The following TTN variants were observed in gnomAD, a reference collection of about 807,000 sequenced individuals.
TTN encodes titin, also known as connectin.
A neutral mutation model predicts 3,223.0 loss-of-function variants in TTN; 1,525 were observed. The observed-to-expected ratio is 0.47, with a 90% CI of 0.45 to 0.49. The LOEUF (loss-of-function observed/expected upper bound fraction) is 0.49, where lower values mean the gene tolerates loss of function less well. TTN is among the 20% of genes least tolerant of loss of function. TTN has a pLI of 0.00. For synonymous variants in TTN, 14,094 were observed against 15,161.0 expected (o/e 0.93, Z 5.17); for missense variants, 40,786 against 43,424.0 (o/e 0.94, Z 5.40).
Position 178,715,060 on chromosome 2 carries a change from T to A in TTN, c.26126A>T (p.Asp8709Val), listed in dbSNP as rs1444153454. 1 of 1,613,504 alleles carries A rather than the reference T, an allele frequency of 6.2e-7. No homozygotes were observed. The highest frequency in any genetic ancestry group is 8.5e-7 in the Non-Finnish European group (1 of 1,179,668). The change falls in exon 90 of 363, where the codon GAC (aspartate) becomes GTC (valine). Residue 8709 changes from aspartate (D) to valine (V), a missense_variant. Physicochemically the swap from Asp to Val is radical, Grantham distance 152. Transcript: ENST00000589042. The stretch of plus-strand genomic sequence containing the variant: ...GGCTTTACACTGATATTCCCCAATG[T>A]CTGCAGCATCGACATTCAGGATGTG... ...SIHILNVDAA[D>V]IGEYQCKATN...
intron 344 of TTN, among the ~76,000 whole-genome samples, chr2:178,544,952 G>A (rs1360355040): frequency 1.3e-5 from 2 of 152,102 alleles, no homozygotes; most frequent in Non-Finnish European, 2.9e-5. Context: ...CTCAGACTCT[G>A]TAAAAGGATT....
At chr2:178,753,574 A>G (rs1281714722) in intron 46 of TTN, 1 of 166,838 alleles carries the variant, frequency 6.0e-6, no homozygotes, top group Non-Finnish European at 1.3e-5. Flanking sequence ...CTACTTTAGC[A>G]GAGGGCTATT....
At chr2:178,684,485 T>G in intron 131 of TTN, 72 bp from the exon 132 acceptor site, 2 of 1,502,270 alleles carry the variant, frequency 1.3e-6, no homozygotes, top group Non-Finnish European at 1.8e-6. Flanking sequence ...CAGAAAGTAC[T>G]GTGATTTTAG....
chr2:178,707,395 C>T (rs1249034720), intron 100 of TTN, 131 bp downstream of exon 100: 4 of 1,049,590 alleles, frequency 3.8e-6, no homozygotes, highest in Non-Finnish European at 5.3e-6. Context: ...TAATAAGGAG[C>T]CTACAAATTG....
chr2:178,609,272 C>A lies in TTN; in HGVS notation c.52038G>T (p.Leu17346=). The change falls in exon 273 of 363, where the codon CTG becomes CTT. Residue 17346 remains leucine, a synonymous_variant. Transcript: ENST00000589042. ...GGTCATTTTCAACTTTGATCATATA[C>A]AGACCATGGTCAGGTCGGAGAGAAT... ...VRDSLRPDHG[L]YMIKVENDHG... The A allele has an allele frequency of 6.3e-7, 1 of 1,575,322 alleles. No homozygotes were observed. Among genetic ancestry groups the A allele is most frequent in the Non-Finnish European group, 8.6e-7 (1 of 1,162,478 alleles).
At chr2:178,638,049 C>T (rs1358447970) in intron 223 of TTN, among the ~76,000 whole-genome samples, 1 of 151,862 alleles carries the variant, frequency 6.6e-6, no homozygotes, top group South Asian at 2.1e-4. Flanking sequence ...TAGCTTCAGC[C>T]CCCAGGATAA....
intron 37 of TTN, among the ~76,000 whole-genome samples, chr2:178,769,145 A>G (rs916063283): frequency 6.6e-5 from 10 of 152,114 alleles, no homozygotes; most frequent in African/African-American, 2.2e-4. Flanking sequence ...ACACTGAGGC[A>G]TCTTTCCAGG....
chr2:178,791,035 C>A (rs1014635159), intron 10 of TTN, among the ~76,000 whole-genome samples, 190 bp from the exon 11 acceptor site: 1 of 152,162 alleles, frequency 6.6e-6, no homozygotes, highest in Non-Finnish European at 1.5e-5. Flanking sequence ...TTCTTTTCTG[C>A]CCACATGCGC....
At chr2:178,686,513 G>C (rs929891412) in intron 127 of TTN, among the ~76,000 whole-genome samples, 4 of 152,114 alleles carry the variant, frequency 2.6e-5, no homozygotes, top group African/African-American at 9.7e-5. Context: ...GAACTCCTGG[G>C]TTCAAATGAT....
In TTN at chr2:178,750,781, T is replaced by C. The variant is rs890811617; in HGVS notation, c.11311+2343A>G. On this transcript the variant is annotated intron_variant, in intron 47 of 362. Transcript: ENST00000589042. Reference sequence around the variant, plus strand: ...ATTCGCTGGCATGTGGTGTAATAGCTTGAGACACATTTTCAGGAGTCTCAT... The same window carrying C: ...ATTCGCTGGCATGTGGTGTAATAGCCTGAGACACATTTTCAGGAGTCTCAT... 1.4e-5 allele frequency: 23 copies of C among 1,613,172 alleles called. No homozygotes were observed. The South Asian group carries it at 2.3e-4, about 16-fold the overall frequency.
intron 133 of TTN, among the ~76,000 whole-genome samples, 171 bp downstream of exon 133, chr2:178,683,828 G>T (rs762444610): frequency 6.6e-6 from 1 of 151,870 alleles, no homozygotes; most frequent in South Asian, 2.1e-4. Context: ...TAAGAAAAAA[G>T]TACTTTCTGT....
chr2:178,640,293 A>AT (rs1560019453), intron 221 of TTN, among the ~76,000 whole-genome samples, 183 bp from the exon 222 acceptor site: 1 of 151,994 alleles, frequency 6.6e-6, no homozygotes, highest in African/African-American at 2.4e-5. Context: ...TAGTAAGGCA[A>AT]TGTTCTTGGT....
rs1347342208 is a variant in TTN, at chr2:178,542,333, C to T, written c.97423G>A (p.Ala32475Thr). The change falls in exon 349 of 363, where the codon GCT becomes ACT. Residue 32475 changes from alanine to threonine, a missense_variant. Physicochemically the swap from Ala to Thr is moderately conservative, Grantham distance 58. Transcript: ENST00000589042. Reference sequence around the variant, plus strand: ...CCAATCCCGAAGCGGTTTGTTGCAGCCACACGGAACACATACTCATTTCCT... The same window carrying T: ...CCAATCCCGAAGCGGTTTGTTGCAGTCACACGGAACACATACTCATTTCCT... The part of the protein sequence containing the change: ...TEGNEYVFRV[A>T]ATNRFGIGSY... 1.9e-6 allele frequency: 3 copies of T among 1,613,086 alleles called. No individual in the cohort carries two copies. The highest frequency in any genetic ancestry group is 2.2e-5 in the East Asian group (1 of 44,738).
Position 178,614,508 on chromosome 2 carries a change from C to A in TTN, c.49006G>T (p.Val16336Leu). The A allele has an allele frequency of 6.2e-7, 1 of 1,611,524 alleles. No homozygotes were observed. The highest frequency in any genetic ancestry group is 1.1e-5 in the South Asian group (1 of 90,808). Residue 16336 changes from valine to leucine, a missense_variant, in exon 261 of 363, where the codon GTG (valine) becomes TTG (leucine). Physicochemically the swap from Val to Leu is conservative, Grantham distance 32 (BLOSUM62 1). Coordinates refer to ENST00000589042, the MANE Select transcript of TTN (RefSeq NM_001267550.2). ...ACCACAGCAGTGGCCCGGCCACACACATTCACAGCCTCAATGATATATGTG... is the reference window on the plus strand; with the variant it reads ...ACCACAGCAGTGGCCCGGCCACACAAATTCACAGCCTCAATGATATATGTG... ...TGTYIIEAVNVCGRATAVVEV... is the reference protein window; with the variant it reads ...TGTYIIEAVNLCGRATAVVEV...
Position 178,677,788 on chromosome 2 carries a change from T to G in TTN, c.34124A>C (p.Glu11375Ala), listed in dbSNP as rs771794173. The stretch of plus-strand genomic sequence containing the variant: ...TTCCTCTTCTTCAGGTAGAACTTCC[T>G]CTTCCTCAGGTAGAACTTCCTCTTC... ...PEEEEVLPEEEEVLPEEEEVL... is the reference protein window; with the variant it reads ...PEEEEVLPEEAEVLPEEEEVL... The change falls in exon 146 of 363, where the codon GAG becomes GCG. Residue 11375 changes from glutamate to alanine, a missense_variant. By Grantham distance (107) the Glu-to-Ala change is moderately radical. Transcript: ENST00000589042. 1 of 1,612,780 alleles carries G rather than the reference T, an allele frequency of 6.2e-7. No individual in the cohort carries two copies. Among genetic ancestry groups the G allele is most frequent in the South Asian group, 1.1e-5 (1 of 90,926 alleles).
At position 178,731,214 on chromosome 2, in the gene TTN, C is replaced by G. The variant is rs2080422265; in HGVS notation, c.17462-11G>C. 6.2e-7 allele frequency: 1 copy of G among 1,612,044 alleles called. No homozygotes were observed. The highest frequency in any genetic ancestry group is 8.5e-7 in the Non-Finnish European group (1 of 1,178,680). ...TGATTGTTGCAGGTTCTGTAGAAAACAAAGGGATAGATGTGGGTTGTGCAT... is the reference window on the plus strand; with the variant it reads ...TGATTGTTGCAGGTTCTGTAGAAAAGAAAGGGATAGATGTGGGTTGTGCAT... On this transcript the variant is annotated splice_polypyrimidine_tract_variant and intron_variant, in intron 59 of 362. Coordinates refer to ENST00000589042, the MANE Select transcript of TTN (RefSeq NM_001267550.2).
In TTN at chr2:178,552,194, C is replaced by T. The variant is rs974510652; in HGVS notation, c.90706G>A (p.Glu30236Lys). The change falls in exon 335 of 363, where the codon GAA becomes AAA. Residue 30236 changes from glutamate (E) to lysine (K), a missense_variant. Coordinates refer to ENST00000589042, the MANE Select transcript of TTN (RefSeq NM_001267550.2). Reference sequence around the variant, plus strand: ...AGGATGACACTATCAGCCTTGATTTCATCAAATCGAATGGGTCCTTTGGGC... The same window carrying T: ...AGGATGACACTATCAGCCTTGATTTTATCAAATCGAATGGGTCCTTTGGGC... ...SKPKGPIRFD[E>K]IKADSVILSW... is the part of the protein sequence containing the mutation. 1.9e-6 allele frequency: 3 copies of T among 1,613,546 alleles called. No individual in the cohort carries two copies. The highest frequency in any genetic ancestry group is 1.3e-5 in the African/African-American group (1 of 74,918).
chr2:178,534,979 T>C lies in TTN; in HGVS notation c.101636A>G (p.His33879Arg), dbSNP rs762414833. 3.7e-6 allele frequency: 6 copies of C among 1,613,586 alleles called. No individual in the cohort carries two copies. The highest frequency in any genetic ancestry group is 4.2e-6 in the Non-Finnish European group (5 of 1,179,796). ...IARHRNILHL[H>R]ESFESMEELV... ...TTCTTCCATGCTTTCAAATGATTCA[T>C]GGAGGTGTAAGATGTTTCTATGCCT... The change falls in exon 358 of 363, where the codon CAT becomes CGT. Residue 33879 changes from histidine (H) to arginine (R), a missense_variant. By Grantham distance (29) the His-to-Arg change is conservative. Coordinates refer to ENST00000589042, the MANE Select transcript of TTN (RefSeq NM_001267550.2).
rs200549353 is a variant in TTN, at chr2:178,729,704, G to A, written c.18549C>T (p.Asp6183=). ...SGTYVCEARN[D]AGTASCSIEL... ...CAATGCTGCAGCTCGCCGTGCCTGCGTCATTTCGAGCTTCACACACATAAG... is the reference window on the plus strand; with the variant it reads ...CAATGCTGCAGCTCGCCGTGCCTGCATCATTTCGAGCTTCACACACATAAG... The change falls in exon 63 of 363, where the codon GAC becomes GAT. Residue 6183 remains aspartate, a synonymous_variant. Coordinates refer to ENST00000589042, the MANE Select transcript of TTN (RefSeq NM_001267550.2). The A allele has an allele frequency of 2.0e-5, 32 of 1,613,572 alleles. No individual in the cohort carries two copies. Among genetic ancestry groups the A allele is most frequent in the Admixed American group, 1.0e-4 (6 of 59,978 alleles).
Sources: allele counts gnomAD v4.1 joint callset (sites outside exome capture counted in the v4.1 genomes callset), GRCh38; gene constraint gnomAD v4.1.1; transcripts MANE v1.5; gene names NCBI Gene and HGNC (gene_info 2026-07-23, HGNC 2026-07-21).